The following KIAA2012 variants were observed in gnomAD, a reference collection of about 807,000 sequenced individuals.
KIAA2012 encodes the protein KIAA2012.
In KIAA2012, 125 loss-of-function variants were observed where a neutral mutation model predicts 150.6. The ratio of observed to expected loss-of-function variants is 0.83; its 90% confidence interval spans 0.72 to 0.96. KIAA2012 has a LOEUF of 0.96. KIAA2012 is among the 40% of genes least tolerant of loss of function. The pLI is 0.00. For missense variants in KIAA2012, 1,219 were observed against 1,354.9 expected, an observed-to-expected ratio of 0.90 and a Z score of 1.57; for synonymous variants, 462 against 504.7, an observed-to-expected ratio of 0.92 and a Z score of 1.13.
At chr2:202,196,680 G>A (rs1692420936) in intron 21 of KIAA2012, 120 bp from the exon 22 acceptor site, 5 of 1,331,226 alleles carry the variant, frequency 3.8e-6, no homozygotes, top group Non-Finnish European at 5.1e-6. Flanking sequence ...CCTGCTAGCA[G>A]GTCAACTGCA....
intron 8 of KIAA2012, 147 bp from the exon 9 acceptor site, chr2:202,105,613 TC>T: frequency 9.0e-7 from 1 of 1,116,674 alleles, no homozygotes; most frequent in African/African-American, 1.6e-5. Context: ...AGGCTTCAGT[TC>T]CATAGCCCTC....
Position 202,194,237 on chromosome 2 carries a change from A to C in KIAA2012, c.3062A>C (p.Glu1021Ala). 6.4e-7 allele frequency: 1 copy of C among 1,550,560 alleles called. No individual in the cohort carries two copies. The highest frequency in any genetic ancestry group is 8.7e-7 in the Non-Finnish European group (1 of 1,146,984). ...GAAGAACAGCAGCGGCAGGAGGAGG[A>C]GGAGAGAAAGCAGCAGCTCCGGTTG... ...LQEEQQRQEE[E>A]ERKQQLRLKA... Residue 1021 changes from glutamate to alanine, a missense_variant, in exon 21 of 24, where the codon GAG becomes GCG. By Grantham distance (107) the Glu-to-Ala change is moderately radical. Coordinates refer to ENST00000498697, the MANE Select transcript of KIAA2012 (RefSeq NM_001277372.4).
intron 7 of KIAA2012, among the ~76,000 whole-genome samples, chr2:202,101,515 C>A (rs949227459): frequency 6.6e-6 from 1 of 152,230 alleles, no homozygotes; most frequent in Non-Finnish European, 1.5e-5. Context: ...GGAGTCCCTT[C>A]CCTCAACCCA....
intron 13 of KIAA2012, among the ~76,000 whole-genome samples, chr2:202,147,314 A>T (rs1392543303): frequency 6.6e-6 from 1 of 152,118 alleles, no homozygotes; most frequent in Admixed American, 6.6e-5. Context: ...AAAGTTTCTT[A>T]ATTGCTTTCG....
chr2:202,086,370 T>C (rs1052496357), intron 2 of KIAA2012, among the ~76,000 whole-genome samples: 3 of 151,898 alleles, frequency 2.0e-5, no homozygotes, highest in African/African-American at 7.3e-5. Context: ...GAGGTTGCAA[T>C]TCACCCAGAA....
intron 4 of KIAA2012, among the ~76,000 whole-genome samples, chr2:202,096,511 C>T (rs1225479315): frequency 6.6e-6 from 1 of 152,136 alleles, no homozygotes; most frequent in Non-Finnish European, 1.5e-5. Flanking sequence ...GGGAGTAGCC[C>T]CACCTGTGGG....
chr2:202,091,039 T>C, intron 3 of KIAA2012, 110 bp downstream of exon 3: 1 of 1,394,076 alleles, frequency 7.2e-7, no homozygotes, highest in Non-Finnish European at 9.6e-7. Flanking sequence ...CAAGCCCAAT[T>C]CTGTGTTAAA....
At chr2:202,130,714 C>T (rs192872332) in intron 12 of KIAA2012, among the ~76,000 whole-genome samples, 17 of 152,132 alleles carry the variant, frequency 1.1e-4, no homozygotes, top group Admixed American at 1.0e-3. Flanking sequence ...GTCAGGAGTT[C>T]GAGACCAGGT....
intron 11 of KIAA2012, among the ~76,000 whole-genome samples, chr2:202,124,632 A>G (rs1690737049): frequency 6.6e-6 from 1 of 152,204 alleles, no homozygotes; most frequent in Non-Finnish European, 1.5e-5. Context: ...TATTTTGTCA[A>G]AAGTTCTTCT....
At chr2:202,109,532 A>G in intron 9 of KIAA2012, 81 bp from the exon 10 acceptor site, 1 of 1,313,050 alleles carries the variant, frequency 7.6e-7, no homozygotes, top group South Asian at 1.7e-5. Context: ...AGGTCCTTCA[A>G]CCAAGTTAGA....
rs1476860601 is a variant in KIAA2012, at chr2:202,202,603, G to A, written c.*20+16G>A. On this transcript the variant is annotated intron_variant, in intron 23 of 23. Transcript: ENST00000498697. ...AAACTAAAAAGTAAGTTGGGAGATG[G>A]TGAAAGAAAAGGAGAAATTCCCCTT... 1.5e-5 allele frequency: 6 copies of A among 398,670 alleles called. No individual in the cohort carries two copies. The highest frequency in any genetic ancestry group is 4.1e-5 in the African/African-American group (2 of 48,594). 24.7% of individuals were successfully genotyped at this position (398,670 alleles called of 1,614,324 possible).
chr2:202,146,431 G>C (rs750036481), intron 13 of KIAA2012, among the ~76,000 whole-genome samples: 2 of 152,084 alleles, frequency 1.3e-5, no homozygotes, highest in African/African-American at 4.8e-5. Flanking sequence ...AGGAGATGGA[G>C]ACCATCCTGG....
intron 15 of KIAA2012, among the ~76,000 whole-genome samples, chr2:202,182,420 G>A (rs1420552026): frequency 1.3e-5 from 2 of 152,000 alleles, no homozygotes; most frequent in Non-Finnish European, 2.9e-5. Flanking sequence ...CCAGCCATAT[G>A]TACTTTTTCG....
intron 15 of KIAA2012, among the ~76,000 whole-genome samples, chr2:202,176,745 A>AAAAAAAGTTCT (rs1349796628): frequency 6.6e-6 from 1 of 152,198 alleles, no homozygotes; most frequent in Non-Finnish European, 1.5e-5. Flanking sequence ...GCCATAGAGA[A>AAAAAAAGTTCT]AAAAAAGTTC....
chr2:202,118,697 G>C (rs1225359446), intron 11 of KIAA2012, among the ~76,000 whole-genome samples: 2 of 152,168 alleles, frequency 1.3e-5, no homozygotes, highest in African/African-American at 4.8e-5. Context: ...TCTATCACAC[G>C]TACCACAGTG....
At position 202,097,879 on chromosome 2, in the gene KIAA2012, C is replaced by T. The variant is rs563837355; in HGVS notation, c.828+302C>T. Among the ~76,000 whole-genome samples, 155 of 152,204 alleles carry T rather than the reference C, an allele frequency of 1.0e-3. 1 individual carries two copies. Among genetic ancestry groups the T allele is most frequent in the Admixed American group, 1.2e-3 (18 of 15,296 alleles). ...TGCTAGGATTACAGGCATGAGCCACCGAGCCTAGCCAGAGGTACCACTTCT... is the reference window on the plus strand; with the variant it reads ...TGCTAGGATTACAGGCATGAGCCACTGAGCCTAGCCAGAGGTACCACTTCT... On this transcript the variant is annotated intron_variant, in intron 5 of 23. Transcript: ENST00000498697.
At position 202,197,039 on chromosome 2, in the gene KIAA2012, C is replaced by T; in HGVS notation, c.3407+20C>T. ...AGCCAGGTACTGGATATTTGGGCAA[C>T]AGTTGCCATAGGGGGATGGTTCAAG... On this transcript the variant is annotated intron_variant, in intron 22 of 23. Coordinates refer to ENST00000498697, the MANE Select transcript of KIAA2012 (RefSeq NM_001277372.4). The T allele has an allele frequency of 1.3e-6, 2 of 1,550,406 alleles. No individual in the cohort carries two copies. Among genetic ancestry groups the T allele is most frequent in the East Asian group, 2.4e-5 (1 of 40,920 alleles).
intron 9 of KIAA2012, 119 bp downstream of exon 9, chr2:202,106,029 C>T (rs1690182760): frequency 6.5e-7 from 1 of 1,541,348 alleles, no homozygotes; most frequent in Non-Finnish European, 8.7e-7. Context: ...AGTTCACCAG[C>T]AGCCACTGGA....
chr2:202,121,778 G>A (rs1037052057), intron 11 of KIAA2012, among the ~76,000 whole-genome samples: 2 of 152,142 alleles, frequency 1.3e-5, no homozygotes, highest in South Asian at 2.1e-4. Flanking sequence ...CCTCAGAGTC[G>A]ACGTGGAGAA....
Sources: gnomAD v4.1 joint callset for allele counts (sites outside exome capture counted in the v4.1 genomes callset) on GRCh38, gnomAD v4.1.1 for gene constraint, MANE v1.5 for transcripts, NCBI Gene and HGNC (gene_info 2026-07-23, HGNC 2026-07-21) for gene names.